Variants in ARID4B observed in about 807,000 individuals in gnomAD.
ARID4B encodes AT-rich interactive domain-containing protein 4B.
ARID4B carries 26 observed loss-of-function variants against 147.5 expected under a neutral mutation model. That is an observed-to-expected ratio of 0.18 (90% CI 0.13 to 0.24). The LOEUF (loss-of-function observed/expected upper bound fraction) is 0.24, where lower values mean the gene tolerates loss of function less well. Ranked by LOEUF, ARID4B falls within the 10% of genes least tolerant of loss-of-function variation. The pLI is 1.00. For synonymous variants in ARID4B, 512 were observed against 507.9 expected, an observed-to-expected ratio of 1.01 and a Z score of -0.11; for missense variants, 1,179 against 1,511.5, an observed-to-expected ratio of 0.78 and a Z score of 3.65.
At chr1:235,232,446 A>G (rs1328429297) in intron 9 of ARID4B, among the ~76,000 whole-genome samples, 3 of 151,794 alleles carry the variant, frequency 2.0e-5, no homozygotes, top group Middle Eastern at 3.2e-3. Flanking sequence ...AAATAAAATA[A>G]ATAAATAAAT....
At chr1:235,312,674 TAA>T (rs951227596) in intron 2 of ARID4B, among the ~76,000 whole-genome samples, 1 of 151,248 alleles carries the variant, frequency 6.6e-6, no homozygotes, top group African/African-American at 2.4e-5. Flanking sequence ...ATATTCAGAT[TAA>T]AAAAAACAGA....
At chr1:235,230,799 T>C (rs1049617787) in intron 10 of ARID4B, among the ~76,000 whole-genome samples, 2 of 151,518 alleles carry the variant, frequency 1.3e-5, no homozygotes, top group Non-Finnish European at 2.9e-5. Context: ...GGCGTGTGCC[T>C]GTAGTCCCAG....
At chr1:235,223,665 TGATTC>T (rs1293309368) in intron 12 of ARID4B, among the ~76,000 whole-genome samples, 1 of 147,390 alleles carries the variant, frequency 6.8e-6, no homozygotes, top group East Asian at 2.0e-4. Context: ...CTCTAAATAA[TGATTC>T]TATAGTAAAG....
At chr1:235,301,268 T>G (rs1010561115) in intron 2 of ARID4B, among the ~76,000 whole-genome samples, 1 of 151,746 alleles carries the variant, frequency 6.6e-6, no homozygotes, top group Non-Finnish European at 1.5e-5. Context: ...CCCAGTGTGG[T>G]GGCTCACGCC....
intron 17 of ARID4B, among the ~76,000 whole-genome samples, chr1:235,206,127 T>C (rs1666293011): frequency 6.6e-6 from 1 of 152,208 alleles, no homozygotes; most frequent in Non-Finnish European, 1.5e-5. Context: ...GGAGGTCCAA[T>C]TTAGTTCAAC....
At chr1:235,249,721 C>T (rs988106742) in intron 6 of ARID4B, among the ~76,000 whole-genome samples, 6 of 151,756 alleles carry the variant, frequency 4.0e-5, no homozygotes, top group Admixed American at 3.9e-4. Context: ...GCGGGCGTAT[C>T]ACGAGGTCAA....
intron 19 of ARID4B, among the ~76,000 whole-genome samples, chr1:235,185,902 T>C (rs1478432004): frequency 1.3e-5 from 2 of 152,174 alleles, no homozygotes; most frequent in Non-Finnish European, 2.9e-5. Context: ...TATTAATTTA[T>C]TCGGTACCTA....
chr1:235,258,328 T>C (rs1173082664), intron 3 of ARID4B, among the ~76,000 whole-genome samples: 3 of 152,022 alleles, frequency 2.0e-5, no homozygotes, highest in Non-Finnish European at 4.4e-5. Flanking sequence ...CAAGACTCCG[T>C]CTCAAAAGCA....
intron 2 of ARID4B, among the ~76,000 whole-genome samples, chr1:235,286,161 A>C (rs1003351876): frequency 6.6e-6 from 1 of 152,086 alleles, no homozygotes; most frequent in Admixed American, 6.5e-5. Flanking sequence ...CAGCCTCCCA[A>C]GTAGCTAGAA....
intron 23 of ARID4B, among the ~76,000 whole-genome samples, chr1:235,169,147 G>A (rs900651146): frequency 6.6e-6 from 1 of 152,054 alleles, no homozygotes; most frequent in Admixed American, 6.6e-5. Flanking sequence ...CTCAACTGTT[G>A]CATTCTCCGC....
chr1:235,231,268 C>CGTATTTTAACATCCTGTCTTGTATGTT, intron 9 of ARID4B, 79 bp from the exon 10 acceptor site: 1 of 749,238 alleles, frequency 1.3e-6, no homozygotes, highest in Non-Finnish European at 2.1e-6. Context: ...CAGATGATTA[C>CGTATTTTAACATCCTGTCTTGTATGTT]ATATCACAGA....
At chr1:235,310,973 C>G (rs899359501) in intron 2 of ARID4B, among the ~76,000 whole-genome samples, 7 of 152,240 alleles carry the variant, frequency 4.6e-5, no homozygotes, top group East Asian at 3.9e-4. Flanking sequence ...ACCCGGCCCC[C>G]AAAATTAACC....
At chr1:235,169,907 C>G (rs1212314043) in intron 23 of ARID4B, among the ~76,000 whole-genome samples, 1 of 152,200 alleles carries the variant, frequency 6.6e-6, no homozygotes, top group Non-Finnish European at 1.5e-5. Context: ...GGTGATCTGC[C>G]TGCCTTGGCT....
chr1:235,221,013 T>C (rs1448585706), intron 14 of ARID4B, among the ~76,000 whole-genome samples: 1 of 152,240 alleles, frequency 6.6e-6, no homozygotes, highest in Non-Finnish European at 1.5e-5. Context: ...TTCTCCTGCC[T>C]CAGCCTCCTG....
At chr1:235,237,712 T>C (rs566511208) in intron 8 of ARID4B, among the ~76,000 whole-genome samples, 44 of 152,330 alleles carry the variant, frequency 2.9e-4, no homozygotes, top group Admixed American at 6.5e-4. Flanking sequence ...ATTATGGACA[T>C]AAGTTTTCAT....
intron 3 of ARID4B, among the ~76,000 whole-genome samples, chr1:235,258,974 A>C (rs960081227): frequency 2.6e-5 from 4 of 152,232 alleles, no homozygotes; most frequent in African/African-American, 9.6e-5. Flanking sequence ...TCATAAAGAA[A>C]TTACACATGT....
At chr1:235,291,684 A>AAAAATACAG (rs1486584666) in intron 2 of ARID4B, among the ~76,000 whole-genome samples, 1 of 152,110 alleles carries the variant, frequency 6.6e-6, no homozygotes, top group Non-Finnish European at 1.5e-5. Context: ...AAAAAATACA[A>AAAAATACAG]AAAATACTAA....
At chr1:235,209,363 T>C (rs766895312) in intron 17 of ARID4B, among the ~76,000 whole-genome samples, 9 of 152,112 alleles carry the variant, frequency 5.9e-5, no homozygotes, top group Non-Finnish European at 8.8e-5. Flanking sequence ...CCCAGCTACT[T>C]GGGAGGCTGA....
At chr1:235,280,492 C>T (rs1176498276) in intron 2 of ARID4B, among the ~76,000 whole-genome samples, 2 of 152,240 alleles carry the variant, frequency 1.3e-5, no homozygotes, top group African/African-American at 2.4e-5. Context: ...GTCATGATCT[C>T]CCACAACTCA....
Sources: gnomAD v4.1 joint callset for allele counts (sites outside exome capture counted in the v4.1 genomes callset) on GRCh38, gnomAD v4.1.1 for gene constraint, MANE v1.5 for transcripts, NCBI Gene and HGNC (gene_info 2026-07-23, HGNC 2026-07-21) for gene names.